SORL1: variants seen among roughly 807,000 people sequenced by gnomAD.
SORL1 encodes sortilin-related receptor.
Under a neutral mutation model 273.7 loss-of-function variants are expected in SORL1, and 127 were observed. The ratio of observed to expected loss-of-function variants is 0.46; its 90% confidence interval spans 0.40 to 0.54. SORL1 has a LOEUF of 0.54. Among genes scored for constraint, SORL1 ranks in the 20% least tolerant of loss-of-function variants. The pLI is 0.00. For missense variants in SORL1, 2,494 were observed against 2,846.1 expected (o/e 0.88, Z 2.81); for synonymous variants, 1,031 against 1,067.4 (o/e 0.97, Z 0.66).
At chr11:121,589,490 C>G (rs1863176170) in intron 29 of SORL1, 100 bp downstream of exon 29, 2 of 1,452,406 alleles carry the variant, frequency 1.4e-6, no homozygotes, top group Admixed American at 3.4e-5. Flanking sequence ...GCAGACTTGG[C>G]CTTCCCGTAA....
chr11:121,534,035 C>T (rs1862236094), intron 12 of SORL1, among the ~76,000 whole-genome samples: 1 of 152,220 alleles, frequency 6.6e-6, no homozygotes, highest in Non-Finnish European at 1.5e-5. Context: ...TCACCAAGCA[C>T]CGATTGTGCC....
intron 28 of SORL1, 39 bp downstream of exon 28, chr11:121,588,190 T>A: frequency 6.2e-7 from 1 of 1,608,742 alleles, no homozygotes. Flanking sequence ...TCACGGTCAC[T>A]AAAGAACTTG....
intron 11 of SORL1, among the ~76,000 whole-genome samples, chr11:121,524,701 C>CT (rs1341793832): frequency 1.3e-5 from 2 of 151,762 alleles, no homozygotes; most frequent in East Asian, 1.9e-4. Context: ...CTCAGAATTC[C>CT]TTTTTTTGTG....
At chr11:121,478,264 C>T (rs200545834) in intron 3 of SORL1, 21 bp downstream of exon 3, 2 of 1,611,248 alleles carry the variant, frequency 1.2e-6, no homozygotes, top group South Asian at 1.1e-5. Context: ...GGCCATCCCT[C>T]CTGTCCCGAC....
At chr11:121,505,306 C>G (rs1447056056) in intron 6 of SORL1, among the ~76,000 whole-genome samples, 1 of 151,732 alleles carries the variant, frequency 6.6e-6, no homozygotes, top group Non-Finnish European at 1.5e-5. Context: ...TTATTTCTTT[C>G]CTAATTTTAG....
At chr11:121,455,773 A>G (rs1205009794) in intron 1 of SORL1, among the ~76,000 whole-genome samples, 4 of 152,186 alleles carry the variant, frequency 2.6e-5, no homozygotes, top group African/African-American at 9.7e-5. Flanking sequence ...CGGGTGGATC[A>G]CTTGAGGTCA....
At position 121,596,211 on chromosome 11, in the gene SORL1, C is replaced by T. The variant is rs989970827; in HGVS notation, c.4519+439C>T. Among the ~76,000 whole-genome samples the T allele has an allele frequency of 5.3e-5, 8 of 152,128 alleles. No individual in the cohort carries two copies. The highest frequency in any genetic ancestry group is 1.9e-4 in the African/African-American group (8 of 41,434). ...TAGCACCCCATTAAGAAAATTCATT[C>T]TCAGTCCTTAGGGTAATTATGGTTG... On this transcript the variant is annotated intron_variant, in intron 32 of 47. Coordinates refer to ENST00000260197, the MANE Select transcript of SORL1 (RefSeq NM_003105.6). This position sits in a 1 kb window ranked among gnomAD's most constrained non-coding sequence, Gnocchi z 4.3.
chr11:121,607,723 CAT>C (rs1454364451), intron 37 of SORL1, among the ~76,000 whole-genome samples: 1 of 152,160 alleles, frequency 6.6e-6, no homozygotes, highest in Non-Finnish European at 1.5e-5. Context: ...TTGTGAACAA[CAT>C]GTTTGCTGAG....
intron 21 of SORL1, among the ~76,000 whole-genome samples, chr11:121,566,089 AGGCCTTTGG>A (rs1862749873): frequency 6.6e-6 from 1 of 152,128 alleles, no homozygotes; most frequent in African/African-American, 2.4e-5. Flanking sequence ...GTTCTAATTA[AGGCCTTTGG>A]GGCCCTAAGG....
At position 121,605,258 on chromosome 11, in the gene SORL1, A is replaced by G. The variant is rs1402383885; in HGVS notation, c.4778+19A>G. On this transcript the variant is annotated intron_variant, in intron 34 of 47. Coordinates refer to ENST00000260197, the MANE Select transcript of SORL1 (RefSeq NM_003105.6). Reference sequence around the variant, plus strand: ...ACTACAGGTAGGTCCCATCTTTGTCATGGGAGATGAAAATGATGTCTTCAT... The same window carrying G: ...ACTACAGGTAGGTCCCATCTTTGTCGTGGGAGATGAAAATGATGTCTTCAT... The G allele has an allele frequency of 1.2e-6, 2 of 1,603,302 alleles. No homozygotes were observed. Among genetic ancestry groups the G allele is most frequent in the Non-Finnish European group, 1.7e-6 (2 of 1,174,870 alleles).
chr11:121,476,806 CCCTT>C (rs1429559960), intron 2 of SORL1, among the ~76,000 whole-genome samples: 1 of 145,244 alleles, frequency 6.9e-6, no homozygotes, highest in African/African-American at 2.6e-5. Flanking sequence ...CTTCCTCCCT[CCCTT>C]CCTTCCTTCC....
intron 32 of SORL1, among the ~76,000 whole-genome samples, chr11:121,602,310 A>G (rs745958402): frequency 6.6e-6 from 1 of 152,186 alleles, no homozygotes; most frequent in Non-Finnish European, 1.5e-5. Context: ...CCTTCTATTG[A>G]CAATTTTTTA....
chr11:121,501,379 TCTC>T (rs1480159908), intron 6 of SORL1, among the ~76,000 whole-genome samples: 1 of 152,208 alleles, frequency 6.6e-6, no homozygotes, highest in Non-Finnish European at 1.5e-5. Flanking sequence ...ATTACTTCCT[TCTC>T]CTCCCTGATG....
intron 6 of SORL1, among the ~76,000 whole-genome samples, chr11:121,509,962 C>A (rs924165602): frequency 6.6e-6 from 1 of 152,130 alleles, no homozygotes; most frequent in African/African-American, 2.4e-5. Flanking sequence ...TGATAGCTAT[C>A]AAAAATACAA....
chr11:121,591,348 A>G (rs977075118), intron 31 of SORL1, among the ~76,000 whole-genome samples, 192 bp downstream of exon 31: 3 of 152,238 alleles, frequency 2.0e-5, no homozygotes, highest in Non-Finnish European at 4.4e-5. Flanking sequence ...CCTGGATCAT[A>G]GATGCATAGG....
At chr11:121,570,507 G>A (rs992549727) in intron 23 of SORL1, among the ~76,000 whole-genome samples, 13 of 152,204 alleles carry the variant, frequency 8.5e-5, no homozygotes, top group Middle Eastern at 3.4e-3. Context: ...AGTACCACTC[G>A]TTACAAGAGA....
At chr11:121,498,700 A>AC (rs571062410) in intron 6 of SORL1, among the ~76,000 whole-genome samples, 3 of 151,692 alleles carry the variant, frequency 2.0e-5, no homozygotes, top group East Asian at 3.9e-4. Context: ...ACATGGTGAA[A>AC]CCCCGTCTCT....
intron 6 of SORL1, among the ~76,000 whole-genome samples, chr11:121,510,509 G>A (rs1404448064): frequency 6.6e-6 from 1 of 152,134 alleles, no homozygotes; most frequent in Non-Finnish European, 1.5e-5. Flanking sequence ...AGTCCTTATT[G>A]CAGTTAAGAA....
In SORL1 at chr11:121,611,101, T is replaced by G. The variant is rs143657558; in HGVS notation, c.5265T>G (p.Ile1755Met). ...GKVIPPPDIH[I>M]DSYGENYLSF... The stretch of plus-strand genomic sequence containing the variant: ...TGATCCCACCACCAGATATCCACAT[T>G]GACAGCTATGGTGAAAATTATCTAA... The change falls in exon 39 of 48, where the codon ATT becomes ATG. Residue 1755 changes from isoleucine (I) to methionine (M), a missense_variant. Physicochemically the swap from Ile to Met is conservative, Grantham distance 10. Around this residue, in one of 3 missense-constraint regions of SORL1, gnomAD observed 1,609 missense variants for 1,816.4 expected, o/e 0.89. Transcript: ENST00000260197. 6.2e-6 allele frequency: 10 copies of G among 1,613,518 alleles called. No homozygotes were observed. Among genetic ancestry groups the G allele is most frequent in the Non-Finnish European group, 6.8e-6 (8 of 1,179,536 alleles).
Sources: gnomAD v4.1 joint callset for allele counts (sites outside exome capture counted in the v4.1 genomes callset) on GRCh38, gnomAD v4.1.1 for gene constraint, gnomAD v4.1.1 regional missense constraint, Gnocchi (gnomAD v3.1) non-coding constraint, MANE v1.5 for transcripts, NCBI Gene and HGNC (gene_info 2026-07-23, HGNC 2026-07-21) for gene names.